Variants in CGNL1 observed in about 807,000 individuals in gnomAD.
The protein encoded by CGNL1 is cingulin like 1.
CGNL1 carries 132 observed loss-of-function variants against 141.2 expected under a neutral mutation model. The ratio of observed to expected loss-of-function variants is 0.93; its 90% CI spans 0.81 to 1.08. The LOEUF is 1.08. CGNL1 is among the 50% of genes least tolerant of loss of function. The pLI is 0.00. For synonymous variants in CGNL1, 690 were observed against 622.1 expected (o/e 1.11, Z -1.63); for missense variants, 1,870 against 1,588.6 (o/e 1.18, Z -3.01).
chr15:57,387,743 G>A (rs929354491), intron 1 of CGNL1, among the ~76,000 whole-genome samples: 1 of 152,240 alleles, frequency 6.6e-6, no homozygotes, highest in African/African-American at 2.4e-5. Flanking sequence ...GCATTCTTGG[G>A]AAGTGTTTAC....
intron 1 of CGNL1, among the ~76,000 whole-genome samples, chr15:57,412,416 CTT>C (rs1164161857): frequency 5.3e-5 from 8 of 152,212 alleles, no homozygotes; most frequent in African/African-American, 1.9e-4. Context: ...CCTCTGGCCT[CTT>C]TGGTGTGATT....
At position 57,405,830 on chromosome 15, in the gene CGNL1, T is replaced by C. The variant is rs1239731261; in HGVS notation, c.-16+29263T>C. ...TCTTTCCTTCTTTCTTTCTTTCTTT[T>C]TCTTTCTTTTCTTTTTCTTTCTTTT... is the stretch of plus-strand genomic sequence containing the variant. On this transcript the variant is annotated intron_variant, in intron 1 of 18. Transcript: ENST00000281282. 2 of 93,884 alleles carry C rather than the reference T, an allele frequency of 2.1e-5. 1 individual carries two copies. Among genetic ancestry groups the C allele is most frequent in the African/African-American group, 8.2e-5 (2 of 24,392 alleles). The allele number at this position is 93,884 out of a possible 1,614,324, so 5.8% of individuals were successfully genotyped here. A position where few individuals can be genotyped will look rare whatever the true frequency, so the allele number is the denominator to read the frequency against.
intron 1 of CGNL1, among the ~76,000 whole-genome samples, chr15:57,396,299 A>T (rs2152241091): frequency 6.9e-6 from 1 of 144,326 alleles, no homozygotes; most frequent in Admixed American, 6.8e-5. Context: ...TTTTTTGGAA[A>T]CAGTCTCCTC....
chr15:57,544,449 C>T, intron 15 of CGNL1, 24 bp from the exon 16 acceptor site: 1 of 1,613,862 alleles, frequency 6.2e-7, no homozygotes, highest in Non-Finnish European at 8.5e-7. Context: ...CATAGCCCCT[C>T]ACAGTCTCCC....
At chr15:57,381,246 G>A (rs1483357156) in intron 1 of CGNL1, among the ~76,000 whole-genome samples, 1 of 152,110 alleles carries the variant, frequency 6.6e-6, no homozygotes, top group African/African-American at 2.4e-5. Context: ...GGCCCAAGGA[G>A]GTGCTGAATC....
chr15:57,400,042 G>T (rs1425941296), intron 1 of CGNL1, among the ~76,000 whole-genome samples: 1 of 150,140 alleles, frequency 6.7e-6, no homozygotes, highest in African/African-American at 2.5e-5. Context: ...CACCAAAGTG[G>T]TGGTGCAGTG....
At chr15:57,451,910 A>G (rs1408963227) in intron 5 of CGNL1, among the ~76,000 whole-genome samples, 1 of 152,210 alleles carries the variant, frequency 6.6e-6, no homozygotes, top group Non-Finnish European at 1.5e-5. Context: ...AAATAGCAGA[A>G]TGAGGTTTGG....
At chr15:57,524,104 T>A (rs1463241591) in intron 11 of CGNL1, among the ~76,000 whole-genome samples, 1 of 152,224 alleles carries the variant, frequency 6.6e-6, no homozygotes, top group African/African-American at 2.4e-5. Context: ...TTCTGGGAGT[T>A]GACACGAGTG....
chr15:57,452,372 C>G, intron 6 of CGNL1, 83 bp downstream of exon 6: 2 of 1,240,594 alleles, frequency 1.6e-6, no homozygotes, highest in East Asian at 5.1e-5. Flanking sequence ...TTTAATACTA[C>G]CCAGCCTTCC....
intron 9 of CGNL1, among the ~76,000 whole-genome samples, chr15:57,517,476 C>T (rs1484154553): frequency 6.6e-6 from 1 of 152,206 alleles, no homozygotes; most frequent in East Asian, 1.9e-4. Context: ...GGGCAGCTGA[C>T]AATGAAAGAG....
chr15:57,409,254 T>C (rs553254624), intron 1 of CGNL1, among the ~76,000 whole-genome samples: 14 of 152,170 alleles, frequency 9.2e-5, no homozygotes, highest in Non-Finnish European at 1.8e-4. Context: ...AGGGGCGCCA[T>C]GCATTTGGAG....
intron 8 of CGNL1, among the ~76,000 whole-genome samples, chr15:57,514,184 C>G (rs1595784228): frequency 6.6e-6 from 1 of 152,036 alleles, no homozygotes; most frequent in South Asian, 2.1e-4. Flanking sequence ...TGGAGTCTTG[C>G]TCTGTCACCC....
intron 15 of CGNL1, among the ~76,000 whole-genome samples, chr15:57,544,257 G>C (rs1221273277): frequency 2.6e-5 from 4 of 152,208 alleles, no homozygotes; most frequent in Non-Finnish European, 5.9e-5. Flanking sequence ...ATGAGGGAGT[G>C]TGATAGAACT....
At position 57,438,811 on chromosome 15, in the gene CGNL1, C is replaced by T. The variant is rs1458661271; in HGVS notation, c.812C>T (p.Thr271Ile). The T allele has an allele frequency of 6.2e-7, 1 of 1,614,054 alleles. No individual in the cohort carries two copies. The highest frequency in any genetic ancestry group is 8.5e-7 in the Non-Finnish European group (1 of 1,180,046). Residue 271 changes from threonine to isoleucine, a missense_variant, in exon 2 of 19, where the codon ACC becomes ATC. Physicochemically the swap from Thr to Ile is moderately conservative, Grantham distance 89. Coordinates refer to ENST00000281282, the MANE Select transcript of CGNL1 (RefSeq NM_032866.5). ...CATGCCCACCCTGAAACCAAGAAAA[C>T]CAGGCCAGATGTTCTTCCCTTCCGG... Reference protein sequence around the residue: ...SPHAHPETKKTRPDVLPFRRQ... With the variant: ...SPHAHPETKKIRPDVLPFRRQ...
chr15:57,548,193 G>T lies in CGNL1; in HGVS notation c.*703G>T, dbSNP rs1230964697. The T allele has an allele frequency of 6.6e-6, 1 of 152,094 alleles. No individual in the cohort carries two copies. Among genetic ancestry groups the T allele is most frequent in the African/African-American group, 2.4e-5 (1 of 41,376 alleles). The allele number at this position is 152,094 out of a possible 1,614,324, so 9.4% of individuals were successfully genotyped here. ...ATTTTTTGTATTTAGTAGAGACGGG[G>T]TTTCACCATGTTGGTCAGGCTGGTC... On this transcript the variant is annotated 3_prime_UTR_variant, in exon 19 of 19. Transcript: ENST00000281282.
At chr15:57,465,931 T>C (rs1950307667) in intron 8 of CGNL1, among the ~76,000 whole-genome samples, 1 of 152,262 alleles carries the variant, frequency 6.6e-6, no homozygotes, top group Non-Finnish European at 1.5e-5. Flanking sequence ...AACTCTGTAA[T>C]AGTGTATTTT....
At chr15:57,418,840 C>T (rs901510141) in intron 1 of CGNL1, among the ~76,000 whole-genome samples, 2 of 152,056 alleles carry the variant, frequency 1.3e-5, no homozygotes, top group Non-Finnish European at 2.9e-5. Context: ...GCTGGCCGTC[C>T]GACATGCCAG....
intron 7 of CGNL1, among the ~76,000 whole-genome samples, chr15:57,457,572 G>A (rs2063394782): frequency 6.6e-6 from 1 of 152,126 alleles, no homozygotes; most frequent in Admixed American, 6.6e-5. Context: ...CACAAGAAAG[G>A]GATTTAATGT....
intron 8 of CGNL1, among the ~76,000 whole-genome samples, chr15:57,498,245 G>T (rs1438308424): frequency 1.2e-4 from 12 of 101,082 alleles, no homozygotes; most frequent in South Asian, 4.2e-4. Flanking sequence ...TGGGGAAACA[G>T]TTTTTTTTTT....
Sources: allele counts gnomAD v4.1 joint callset (sites outside exome capture counted in the v4.1 genomes callset), GRCh38; gene constraint gnomAD v4.1.1; transcripts MANE v1.5; gene names NCBI Gene and HGNC (gene_info 2026-07-23, HGNC 2026-07-21).